The following GTPBP2 variants were observed in gnomAD, a reference collection of about 807,000 sequenced individuals.
GTPBP2 encodes the protein GTP-binding protein 2.
A neutral mutation model predicts 63.0 loss-of-function variants in GTPBP2; 32 were observed. That is an observed-to-expected ratio of 0.51 (90% confidence interval 0.38 to 0.68). GTPBP2 has a LOEUF of 0.68. GTPBP2 is among the 30% of genes least tolerant of loss of function. The pLI, the probability that GTPBP2 is intolerant of heterozygous loss-of-function variation, is 0.00. For synonymous variants in GTPBP2, 310 were observed against 322.6 expected (o/e 0.96, Z 0.42); for missense variants, 492 against 796.9 (o/e 0.62, Z 4.61).
chr6:43,622,612 C>T lies in GTPBP2; in HGVS notation c.1467+21G>A. ...GGCACTTCTCTTAGCGTTCCCTCCC[C>T]AACCCATGCACCCACCTCACCTTGC... On this transcript the variant is annotated intron_variant, in intron 10 of 11. Transcript: ENST00000307126. The surrounding 1 kb of genome is among the most constrained non-coding windows in gnomAD (Gnocchi z 5.4). The T allele has an allele frequency of 6.3e-7, 1 of 1,598,792 alleles. No homozygotes were observed. Among genetic ancestry groups the T allele is most frequent in the South Asian group, 1.1e-5 (1 of 90,570 alleles).
intron 11 of GTPBP2, 74 bp from the exon 12 acceptor site, chr6:43,621,864 C>T (rs1258288135): frequency 4.3e-6 from 7 of 1,609,304 alleles, no homozygotes; most frequent in Non-Finnish European, 6.0e-6. Flanking sequence ...GCTCTCCACC[C>T]TCCAGAGGCC....
chr6:43,627,105 A>T (rs1256174847), intron 1 of GTPBP2, 157 bp from the exon 2 acceptor site: 1 of 702,842 alleles, frequency 1.4e-6, no homozygotes, highest in Non-Finnish European at 2.2e-6. Context: ...GGCAGACAAG[A>T]TCCTCTATTC....
chr6:43,627,387 T>C (rs1438664508), intron 1 of GTPBP2: 5 of 930,100 alleles, frequency 5.4e-6, no homozygotes, highest in African/African-American at 1.8e-5. Flanking sequence ...TTTCAGCTGA[T>C]GTCATCTAGA....
At chr6:43,627,111 T>C (rs1769428997) in intron 1 of GTPBP2, 163 bp from the exon 2 acceptor site, 1 of 686,442 alleles carries the variant, frequency 1.5e-6, no homozygotes, top group African/African-American at 1.8e-5. Context: ...CAAGATCCTC[T>C]ATTCACCCCC....
At position 43,623,278 on chromosome 6, in the gene GTPBP2, G is replaced by C. The variant is rs578233286; in HGVS notation, c.1295+459C>G. On this transcript the variant is annotated intron_variant, in intron 9 of 11. Transcript: ENST00000307126. ...ATGGTGGTAGGCGCCTGTAATTCCA[G>C]CTACTCAAGGCTGAGGCAGGAGAAT... 281 of 173,870 alleles carry C rather than the reference G, an allele frequency of 1.6e-3. 2 individuals are homozygous for C. Among genetic ancestry groups the C allele is most frequent in the Non-Finnish European group, 2.9e-3 (240 of 81,720 alleles). 10.8% of individuals were successfully genotyped at this position (173,870 alleles called of 1,614,324 possible). A position where few individuals can be genotyped will look rare whatever the true frequency, so the allele number is the denominator to read the frequency against.
chr6:43,624,997 G>C lies in GTPBP2; in HGVS notation c.771C>G (p.Thr257=), dbSNP rs1176582981. The change falls in exon 6 of 12, where the codon ACC becomes ACG. Residue 257 remains threonine, a synonymous_variant. Transcript: ENST00000307126. The surrounding 1 kb of genome is among the most constrained non-coding windows in gnomAD (Gnocchi z 5.1). ...EICESSSKMI[T]FIDLAGHHKY... is the part of the protein sequence containing the mutation. ...TATGGTGGCCTGCCAGGTCGATGAAGGTGATCATCTTGGAGCTGCTCTCAC... is the reference window on the plus strand; with the variant it reads ...TATGGTGGCCTGCCAGGTCGATGAACGTGATCATCTTGGAGCTGCTCTCAC... 6.2e-7 allele frequency: 1 copy of C among 1,613,932 alleles called. No homozygotes were observed.
chr6:43,628,675 C>G, intron 1 of GTPBP2: 1 of 772,126 alleles, frequency 1.3e-6, no homozygotes, highest in Non-Finnish European at 2.1e-6. Flanking sequence ...GCGGCACACG[C>G]AGTTGGTCGG....
At chr6:43,630,396 C>G (rs577341435), upstream of GTPBP2, among the ~76,000 whole-genome samples, 1 of 152,276 alleles carries the variant, frequency 6.6e-6, no homozygotes, top group Non-Finnish European at 1.5e-5. Flanking sequence ...CACAGTGTGT[C>G]CACTTCTCCC....
In GTPBP2 at chr6:43,622,786, C is replaced by T. The variant is rs761341453; in HGVS notation, c.1314G>A (p.Gly438=). 6.2e-7 allele frequency: 1 copy of T among 1,613,476 alleles called. No homozygotes were observed. Among genetic ancestry groups the T allele is most frequent in the Non-Finnish European group, 8.5e-7 (1 of 1,179,566 alleles). The change falls in exon 10 of 12, where the codon GGG becomes GGA. Residue 438 remains glycine (G), a synonymous_variant. Transcript: ENST00000307126. This position sits in a 1 kb window ranked among gnomAD's most constrained non-coding sequence, Gnocchi z 5.4. ...CCGTGGGGCCCACCACCAGCTGGTCCCCCTCACGGCAAATCCCACTGCAGC... is the reference window on the plus strand; with the variant it reads ...CCGTGGGGCCCACCACCAGCTGGTCTCCCTCACGGCAAATCCCACTGCAGC... ...GTLSSGICRE[G]DQLVVGPTDD...
At position 43,624,170 on chromosome 6, in the gene GTPBP2, C is replaced by A; in HGVS notation, c.1101-102G>T. The A allele has an allele frequency of 9.7e-7, 1 of 1,029,464 alleles. No individual in the cohort carries two copies. The highest frequency in any genetic ancestry group is 1.6e-5 in the South Asian group (1 of 61,898). The allele number at this position is 1,029,464 out of a possible 1,614,324, so 63.8% of individuals were successfully genotyped here. A position where few individuals can be genotyped will look rare whatever the true frequency, so the allele number is the denominator to read the frequency against. On this transcript the variant is annotated intron_variant, in intron 7 of 11. Transcript: ENST00000307126. This position sits in a 1 kb window ranked among gnomAD's most constrained non-coding sequence, Gnocchi z 5.1. ...AGGTGAGCTTTGTTCTGGCTGGGGG[C>A]CCCTCTCTCCTGTCTGCAAATGGCT...
chr6:43,628,642 G>T, intron 1 of GTPBP2: 1 of 969,118 alleles, frequency 1.0e-6, no homozygotes, highest in Non-Finnish European at 1.5e-6. Flanking sequence ...CTCGTCCCAG[G>T]ATGCAGTCTC....
intron 1 of GTPBP2, chr6:43,628,504 G>A: frequency 2.4e-6 from 2 of 820,676 alleles, no homozygotes; most frequent in Non-Finnish European, 2.9e-6. Context: ...GTGTGTGTGT[G>A]TAGTGAACAT....
In GTPBP2 at chr6:43,621,393, C is replaced by T. The variant is rs573234232; in HGVS notation, c.*221G>A. On this transcript the variant is annotated 3_prime_UTR_variant, in exon 12 of 12. Transcript: ENST00000307126. ...AGCCAACCAGGTGAGCACACAGCTTCGGAGCACTGCCCTGAATCCTGTCTT... is the reference window on the plus strand; with the variant it reads ...AGCCAACCAGGTGAGCACACAGCTTTGGAGCACTGCCCTGAATCCTGTCTT... The T allele has an allele frequency of 3.7e-5, 57 of 1,520,552 alleles. No individual in the cohort carries two copies. Among genetic ancestry groups the T allele is most frequent in the Non-Finnish European group, 4.8e-5 (54 of 1,127,290 alleles). 94.2% of individuals were successfully genotyped at this position (1,520,552 alleles called of 1,614,324 possible). A position where few individuals can be genotyped will look rare whatever the true frequency, so the allele number is the denominator to read the frequency against.
upstream of GTPBP2, chr6:43,629,316 G>A (rs756511700): frequency 9.6e-4 from 216 of 225,054 alleles, 1 homozygote; most frequent in Non-Finnish European, 1.4e-3. Context: ...CCTCCGGGTC[G>A]CGTCAGAAAC....
rs527493658 is a variant in GTPBP2, at chr6:43,624,334, C to T, written c.1100+176G>A. 1.1e-3 allele frequency among the ~76,000 whole-genome samples: 163 copies of T among 152,328 alleles called. No homozygotes were observed. Among genetic ancestry groups the T allele is most frequent in the African/African-American group, 3.4e-3 (143 of 41,576 alleles). On this transcript the variant is annotated intron_variant, in intron 7 of 11. Transcript: ENST00000307126. The surrounding 1 kb of genome is among the most constrained non-coding windows in gnomAD (Gnocchi z 5.1). ...GCATCAGCAGTGCTCCAGGTTGGCT[C>T]GGGAGGAGGGTCAAGCCCTTTAGCA... is the stretch of plus-strand genomic sequence containing the variant.
At chr6:43,631,257 G>A (rs1298019075), upstream of GTPBP2, among the ~76,000 whole-genome samples, 4 of 152,194 alleles carry the variant, frequency 2.6e-5, no homozygotes, top group East Asian at 1.9e-4. Flanking sequence ...AGGTTATGCC[G>A]TAGAGGTCAA....
rs1387695658 is a variant in GTPBP2 at position 43,624,247 on chromosome 6, C to G, written c.1101-179G>C. ...CAGTCGAGCAATGTCACACAAAAAGCCCATCCGAGCCCAAGGGAAACAGCA... is the reference window on the plus strand; with the variant it reads ...CAGTCGAGCAATGTCACACAAAAAGGCCATCCGAGCCCAAGGGAAACAGCA... On this transcript the variant is annotated intron_variant, in intron 7 of 11. Coordinates refer to ENST00000307126, the MANE Select transcript of GTPBP2 (RefSeq NM_019096.5). The surrounding 1 kb of genome is among the most constrained non-coding windows in gnomAD (Gnocchi z 5.1). Among the ~76,000 whole-genome samples the G allele has an allele frequency of 1.3e-5, 2 of 152,138 alleles. No individual in the cohort carries two copies. Among genetic ancestry groups the G allele is most frequent in the Non-Finnish European group, 2.9e-5 (2 of 68,038 alleles).
In GTPBP2 at chr6:43,622,512, G is replaced by T; in HGVS notation, c.1467+121C>A. On this transcript the variant is annotated intron_variant, in intron 10 of 11. Transcript: ENST00000307126. The surrounding 1 kb of genome is among the most constrained non-coding windows in gnomAD (Gnocchi z 5.4). Reference sequence around the variant, plus strand: ...TACGTAGCTAGACCAGAAGCTTCTTGGGTCAGAGAGTGTGTTTCCTCTGAG... The same window carrying T: ...TACGTAGCTAGACCAGAAGCTTCTTTGGTCAGAGAGTGTGTTTCCTCTGAG... 1 of 937,740 alleles carries T rather than the reference G, an allele frequency of 1.1e-6. No homozygotes were observed. The highest frequency in any genetic ancestry group is 1.6e-6 in the Non-Finnish European group (1 of 609,804). The allele number at this position is 937,740 out of a possible 1,614,324, so 58.1% of individuals were successfully genotyped here.
chr6:43,627,522 G>A (rs950938038), intron 1 of GTPBP2, among the ~76,000 whole-genome samples: 1 of 152,174 alleles, frequency 6.6e-6, no homozygotes, highest in Non-Finnish European at 1.5e-5. Flanking sequence ...GGGCTGAGAG[G>A]AACAGAAAAA....
Sources: gnomAD v4.1 joint callset for allele counts (sites outside exome capture counted in the v4.1 genomes callset) on GRCh38, gnomAD v4.1.1 for gene constraint, Gnocchi (gnomAD v3.1) non-coding constraint, MANE v1.5 for transcripts, NCBI Gene and HGNC (gene_info 2026-07-23, HGNC 2026-07-21) for gene names.